Variants in OSBPL11 observed in about 807,000 individuals in gnomAD.
OSBPL11 encodes the protein oxysterol-binding protein-related protein 11.
OSBPL11 carries 33 observed loss-of-function variants against 84.4 expected under a neutral mutation model. The ratio of observed to expected loss-of-function variants is 0.39; its 90% confidence interval spans 0.30 to 0.52. The LOEUF is 0.52. OSBPL11 is among the 20% of genes least tolerant of loss of function. The pLI, the probability that OSBPL11 is intolerant of heterozygous loss-of-function variation, is 0.72. For missense variants in OSBPL11, 736 were observed against 901.1 expected (o/e 0.82, Z 2.35); for synonymous variants, 276 against 310.2 (o/e 0.89, Z 1.16).
At position 125,529,835 on chromosome 3, in the gene OSBPL11, C is replaced by T. The variant is rs562102012; in HGVS notation, c.*680G>A. The T allele has an allele frequency of 6.6e-6, 1 of 152,632 alleles. No homozygotes were observed. The highest frequency in any genetic ancestry group is 2.4e-5 in the African/African-American group (1 of 41,532). The allele number at this position is 152,632 out of a possible 1,614,324, so 9.5% of individuals were successfully genotyped here. ...TGTTGTTTTCAAGTATATTAAAATG[C>T]TCAGAAGAAAAAATTCTCCATGGTT... On this transcript the variant is annotated 3_prime_UTR_variant, in exon 13 of 13. Coordinates refer to ENST00000296220, the MANE Select transcript of OSBPL11 (RefSeq NM_022776.5).
rs1236836047 is a variant in OSBPL11, at chr3:125,595,414, C to T, written c.-614G>A. Among the ~76,000 whole-genome samples, 1 of 152,206 alleles carries T rather than the reference C, an allele frequency of 6.6e-6. No individual in the cohort carries two copies. The stretch of plus-strand genomic sequence containing the variant: ...GAGGCGAGCCACTCGGGACAACTTC[C>T]TCTTATGCCCCTGGCCCGGGCCCTC... On this transcript the variant is annotated 5_prime_UTR_variant, in exon 1 of 13. Transcript: ENST00000296220.
intron 11 of OSBPL11, among the ~76,000 whole-genome samples, chr3:125,535,919 G>A (rs1935634600): frequency 6.6e-6 from 1 of 150,902 alleles, no homozygotes; most frequent in Admixed American, 6.6e-5. Flanking sequence ...GATCACCTGA[G>A]ATCAGGAGTT....
Position 125,531,909 on chromosome 3 carries a change from A to G in OSBPL11, c.2130T>C (p.His710=). The change falls in exon 12 of 13, where the codon CAT becomes CAC. Residue 710 remains histidine (H), a synonymous_variant. Coordinates refer to ENST00000296220, the MANE Select transcript of OSBPL11 (RefSeq NM_022776.5). ...TCCAAGGTGTGCCTGTTTCAGTACG[A>G]TGCCTTTCTTCAGTCCTCTGACGTT... ...LEERQRTEER[H]RTETGTPWKT... 1.2e-6 allele frequency: 2 copies of G among 1,614,038 alleles called. No homozygotes were observed. Among genetic ancestry groups the G allele is most frequent in the Non-Finnish European group, 1.7e-6 (2 of 1,180,014 alleles).
intron 4 of OSBPL11, among the ~76,000 whole-genome samples, chr3:125,578,091 A>G (rs1440304164): frequency 1.3e-5 from 2 of 152,342 alleles, no homozygotes; most frequent in South Asian, 4.1e-4. Flanking sequence ...TCATGGCAGC[A>G]TTATTCATAA....
At chr3:125,584,342 G>A (rs1936474665) in intron 1 of OSBPL11, among the ~76,000 whole-genome samples, 1 of 151,988 alleles carries the variant, frequency 6.6e-6, no homozygotes, top group Admixed American at 6.6e-5. Context: ...CTCCAACCCG[G>A]GTGGCAGAGT....
chr3:125,542,506 T>C (rs1935745623), intron 10 of OSBPL11, among the ~76,000 whole-genome samples: 1 of 148,124 alleles, frequency 6.8e-6, no homozygotes, highest in African/African-American at 2.5e-5. Flanking sequence ...CTGCTAATTT[T>C]GTATTTTTTT....
intron 4 of OSBPL11, 33 bp downstream of exon 4, chr3:125,578,927 T>G (rs202044417): frequency 1.5e-6 from 2 of 1,301,308 alleles, no homozygotes; most frequent in Non-Finnish European, 2.1e-6. Context: ...TTCCTCATTT[T>G]TGTATATTAA....
rs143803686 is a variant in OSBPL11, at chr3:125,532,910, A to G, written c.2025-896T>C. 9.2e-4 allele frequency among the ~76,000 whole-genome samples: 139 copies of G among 151,830 alleles called. 2 individuals carry two copies. The highest frequency in any genetic ancestry group is 3.1e-3 in the African/African-American group (130 of 41,386). ...TAATACTTCATGGATGAACCTCAAA[A>G]ACGTTATACTAAGGAAATAAGCCAG... On this transcript the variant is annotated intron_variant, in intron 11 of 12. Coordinates refer to ENST00000296220, the MANE Select transcript of OSBPL11 (RefSeq NM_022776.5).
chr3:125,575,728 G>T (rs1424324888), intron 5 of OSBPL11, among the ~76,000 whole-genome samples: 1 of 151,196 alleles, frequency 6.6e-6, no homozygotes, highest in East Asian at 1.9e-4. Flanking sequence ...TTAGAGACGG[G>T]GTCTGGCTTT....
At chr3:125,534,253 C>T (rs776803058) in intron 11 of OSBPL11, among the ~76,000 whole-genome samples, 9 of 152,044 alleles carry the variant, frequency 5.9e-5, no homozygotes, top group Middle Eastern at 6.8e-3. Flanking sequence ...TGTGGTGGCA[C>T]ACGCCTGTAG....
At chr3:125,546,334 ATTTTTCTTTT>A (rs1935815344) in intron 10 of OSBPL11, among the ~76,000 whole-genome samples, 1 of 150,082 alleles carries the variant, frequency 6.7e-6, no homozygotes, top group Non-Finnish European at 1.5e-5. Context: ...CACTCGGCCA[ATTTTTCTTTT>A]TTTTTTGAGA....
At chr3:125,593,546 G>A (rs1452964744) in intron 1 of OSBPL11, among the ~76,000 whole-genome samples, 1 of 151,814 alleles carries the variant, frequency 6.6e-6, no homozygotes. Flanking sequence ...CTTGAACCCA[G>A]GAGGTGGAGG....
chr3:125,548,876 T>A (rs960863995), intron 9 of OSBPL11, among the ~76,000 whole-genome samples: 1 of 113,954 alleles, frequency 8.8e-6, no homozygotes, highest in African/African-American at 2.7e-5. Context: ...ACATCAACTA[T>A]TTTTTTTTTT....
At chr3:125,535,927 G>A (rs1346991910) in intron 11 of OSBPL11, among the ~76,000 whole-genome samples, 3 of 150,770 alleles carry the variant, frequency 2.0e-5, no homozygotes, top group Non-Finnish European at 3.0e-5. Flanking sequence ...GAGATCAGGA[G>A]TTCAAGACCA....
chr3:125,552,256 T>A lies in OSBPL11; in HGVS notation c.1579A>T (p.Met527Leu), dbSNP rs751479684. ...GFYAECTERK[M>L]CVNAHVWTKS... ...GTCCAGACATGCGCATTTACACACATCTTCCTCTCTGTACATTCTGCATAA... is the reference window on the plus strand; with the variant it reads ...GTCCAGACATGCGCATTTACACACAACTTCCTCTCTGTACATTCTGCATAA... The change falls in exon 9 of 13, where the codon ATG becomes TTG. Residue 527 changes from methionine (M) to leucine (L), a missense_variant. Around this residue, in one of 3 missense-constraint regions of OSBPL11, gnomAD observed 579 missense variants for 717.6 expected, o/e 0.81. Coordinates refer to ENST00000296220, the MANE Select transcript of OSBPL11 (RefSeq NM_022776.5). The A allele has an allele frequency of 5.6e-6, 9 of 1,613,948 alleles. No homozygotes were observed. In the South Asian group the frequency reaches 7.7e-5, roughly 14 times the overall value.
At position 125,530,494 on chromosome 3, in the gene OSBPL11, T is replaced by C. The variant is rs1246311131; in HGVS notation, c.*21A>G. 1.9e-6 allele frequency: 3 copies of C among 1,608,154 alleles called. No individual in the cohort carries two copies. The highest frequency in any genetic ancestry group is 2.6e-6 in the Non-Finnish European group (3 of 1,174,594). ...GTAAACAGAGAAGAACCTCATTTGG[T>C]CGAGTTTTAGATAGTATGTGTCACT... On this transcript the variant is annotated 3_prime_UTR_variant, in exon 13 of 13. Coordinates refer to ENST00000296220, the MANE Select transcript of OSBPL11 (RefSeq NM_022776.5).
intron 1 of OSBPL11, 39 bp downstream of exon 1, chr3:125,594,598 C>T: frequency 6.2e-7 from 1 of 1,601,436 alleles, no homozygotes; most frequent in Non-Finnish European, 8.5e-7. Flanking sequence ...TTCACCCCTA[C>T]CTCCACCTCG....
intron 5 of OSBPL11, among the ~76,000 whole-genome samples, chr3:125,572,093 G>A (rs555269640): frequency 2.0e-5 from 3 of 152,342 alleles, no homozygotes; most frequent in East Asian, 1.9e-4. Flanking sequence ...CTTCCATCAG[G>A]GTGACCTGGA....
chr3:125,559,959 A>G (rs1222446121), intron 8 of OSBPL11, among the ~76,000 whole-genome samples: 1 of 151,948 alleles, frequency 6.6e-6, no homozygotes, highest in Non-Finnish European at 1.5e-5. Flanking sequence ...AAAAATAAAA[A>G]TCACAAAAAA....
Sources: gnomAD v4.1 joint callset for allele counts (sites outside exome capture counted in the v4.1 genomes callset) on GRCh38, gnomAD v4.1.1 for gene constraint, gnomAD v4.1.1 regional missense constraint, MANE v1.5 for transcripts, NCBI Gene and HGNC (gene_info 2026-07-23, HGNC 2026-07-21) for gene names.